Variants in GNAO1 observed in about 807,000 individuals in gnomAD.
GNAO1 encodes the protein guanine nucleotide-binding protein G(o) subunit alpha.
For synonymous variants in GNAO1, 164 were observed against 180.7 expected (o/e 0.91, Z 0.74); for missense variants, 166 against 478.7 (o/e 0.35, Z 6.10).
At chr16:56,279,225 C>T (rs1567466988) in intron 3 of GNAO1, among the ~76,000 whole-genome samples, 1 of 152,196 alleles carries the variant, frequency 6.6e-6, no homozygotes, top group Non-Finnish European at 1.5e-5. Flanking sequence ...GTAGGTGTCC[C>T]TGAGTTCCCC....
In GNAO1 at chr16:56,311,786, C is replaced by T. The variant is rs115126128; in HGVS notation, c.304-16845C>T. 6.5e-3 allele frequency among the ~76,000 whole-genome samples: 989 copies of T among 152,188 alleles called. 13 individuals carry two copies. The highest frequency in any genetic ancestry group is 0.022 in the African/African-American group (896 of 41,502). ...ACCTCCTGCCCCGCCCAGCACGGCC[C>T]GCTGGGACCTCCTTGCCTGGCCCAG... is the stretch of plus-strand genomic sequence containing the variant. On this transcript the variant is annotated intron_variant, in intron 3 of 8. Transcript: ENST00000262493. This position sits in a 1 kb window ranked among gnomAD's most constrained non-coding sequence, Gnocchi z 5.2.
At chr16:56,286,723 G>GTGTGTGTA (rs1695653084) in intron 3 of GNAO1, among the ~76,000 whole-genome samples, 2 of 148,472 alleles carry the variant, frequency 1.3e-5, no homozygotes, top group Admixed American at 1.3e-4. Flanking sequence ...GTGTGTGTGT[G>GTGTGTGTA]TGTGTGTGTA....
intron 3 of GNAO1, chr16:56,307,891 C>A (rs1330871318): frequency 6.6e-6 from 1 of 152,274 alleles, no homozygotes; most frequent in Non-Finnish European, 1.5e-5. Context: ...GACCTTGGTT[C>A]TTCCATGGCT....
intron 6 of GNAO1, among the ~76,000 whole-genome samples, chr16:56,348,667 G>T (rs2037895308): frequency 6.6e-6 from 1 of 152,206 alleles, no homozygotes; most frequent in Non-Finnish European, 1.5e-5. Context: ...TTGTAAGGAT[G>T]AGCTGTGCTC....
intron 3 of GNAO1, among the ~76,000 whole-genome samples, chr16:56,313,579 G>C (rs866612809): frequency 2.6e-5 from 4 of 152,064 alleles, no homozygotes; most frequent in African/African-American, 9.7e-5. Context: ...TTGTTTGGTT[G>C]AAGAAAAATT....
rs77052473 is a variant in GNAO1 at position 56,304,703 on chromosome 16, T to A, written c.304-23928T>A. Among the ~76,000 whole-genome samples, 6 of 152,306 alleles carry A rather than the reference T, an allele frequency of 3.9e-5. No homozygotes were observed. The East Asian group carries it at 1.2e-3, about 29-fold the overall frequency. ...ACTTCTTAGGAGGAATATTAGTGGG[T>A]TTGAAATTTACATAATAAACAAATG... On this transcript the variant is annotated intron_variant, in intron 3 of 8. Coordinates refer to ENST00000262493, the MANE Select transcript of GNAO1 (RefSeq NM_020988.3).
At chr16:56,206,212 C>T (rs1296067887) in intron 2 of GNAO1, among the ~76,000 whole-genome samples, 2 of 151,096 alleles carry the variant, frequency 1.3e-5, no homozygotes, top group Non-Finnish European at 2.9e-5. Flanking sequence ...CACAGCTACT[C>T]GGGAGGCTGA....
rs57968280 is a variant in GNAO1, at chr16:56,286,695, C to CTGTGTGTGTG, written c.303+10651_303+10660dup. Among the ~76,000 whole-genome samples, 321 of 144,996 alleles carry CTGTGTGTGTG rather than the reference C, an allele frequency of 2.2e-3. 3 individuals carry two copies. The highest frequency in any genetic ancestry group is 7.6e-3 in the African/African-American group (301 of 39,398). ...CAGTCTCTTTCTGTCTCTGTCGCCTCTGTGTGTGTGTGTGTGTGTGTGTGT... is the reference window on the plus strand; with the variant it reads ...CAGTCTCTTTCTGTCTCTGTCGCCTCTGTGTGTGTGTGTGTGTGTGTGTGTGTGTGTGTGT... On this transcript the variant is annotated intron_variant, in intron 3 of 8. Coordinates refer to ENST00000262493, the MANE Select transcript of GNAO1 (RefSeq NM_020988.3).
In GNAO1 at chr16:56,333,210, CTTTTTTT is replaced by C. The variant is rs71149663; in HGVS notation, c.465-1511_465-1505del. ...CCAGCCAAGTGCATTTTCTTTTTTT[CTTTTTTT>C]TTTTTTTCTCCCCGAGACAGAGTCT... On this transcript the variant is annotated intron_variant, in intron 4 of 8. Transcript: ENST00000262493. Among the ~76,000 whole-genome samples, 5 of 140,860 alleles carry C rather than the reference CTTTTTTT, an allele frequency of 3.5e-5. No homozygotes were observed. The East Asian group carries it at 6.3e-4, about 18-fold the overall frequency. The allele number at this position is 140,860 out of a possible 152,430, so 92.4% of individuals were successfully genotyped here. A position where few individuals can be genotyped will look rare whatever the true frequency, so the allele number is the denominator to read the frequency against.
rs978881612 is a variant in GNAO1 at position 56,288,029 on chromosome 16, C to T, written c.303+11957C>T. ...CTGCTGAAATGGCTACTGCTCCATT[C>T]CTTTTCATTAGGGCCGCCTATGACT... On this transcript the variant is annotated intron_variant, in intron 3 of 8. Transcript: ENST00000262493. Among the ~76,000 whole-genome samples, 7 of 152,308 alleles carry T rather than the reference C, an allele frequency of 4.6e-5. No individual in the cohort carries two copies. In the East Asian group the frequency reaches 1.2e-3, roughly 25 times the overall value.
chr16:56,194,556 G>C (rs1379452949), intron 2 of GNAO1: 1 of 265,498 alleles, frequency 3.8e-6, no homozygotes, highest in Admixed American at 4.5e-5. Context: ...GGTTCGGTGC[G>C]GTCTGGGCGC....
In GNAO1 at chr16:56,321,609, C is replaced by T. The variant is rs529386094; in HGVS notation, c.304-7022C>T. 2.2e-4 allele frequency among the ~76,000 whole-genome samples: 34 copies of T among 152,284 alleles called. 1 individual carries two copies. The South Asian group carries it at 6.2e-3, about 28-fold the overall frequency. ...TAGAATCAGGGGAGATTTAGCTCAA[C>T]GCAGACCACTCAGACTGGGCTGGAG... On this transcript the variant is annotated intron_variant, in intron 3 of 8. Transcript: ENST00000262493.
intron 7 of GNAO1, chr16:56,352,043 C>T (rs1271347919): frequency 6.4e-5 from 10 of 155,808 alleles, no homozygotes; most frequent in Middle Eastern, 2.9e-3. Flanking sequence ...TCTGTGCAGC[C>T]GCCCAGCCAG....
intron 8 of GNAO1, chr16:56,355,499 T>C (rs2037959837): frequency 6.6e-6 from 1 of 152,468 alleles, no homozygotes; most frequent in African/African-American, 2.4e-5. Context: ...CTCTCTGTGT[T>C]GCGCCCTTAG....
intron 3 of GNAO1, among the ~76,000 whole-genome samples, chr16:56,305,610 C>T (rs1236177538): frequency 6.6e-6 from 1 of 152,088 alleles, no homozygotes; most frequent in African/African-American, 2.4e-5. Context: ...ACGACCTTGA[C>T]CCCACATGGC....
intron 6 of GNAO1, chr16:56,347,069 G>A (rs1320087192): frequency 4.7e-5 from 46 of 985,280 alleles, no homozygotes; most frequent in Non-Finnish European, 5.3e-5. Context: ...CTGACCTGGT[G>A]CACTCTTGGC....
intron 2 of GNAO1, among the ~76,000 whole-genome samples, chr16:56,220,877 A>G (rs2036478524): frequency 6.6e-6 from 1 of 152,048 alleles, no homozygotes; most frequent in African/African-American, 2.4e-5. Context: ...CCACCTGAGT[A>G]CCTGGGATTA....
chr16:56,270,447 T>A (rs1267146990), intron 2 of GNAO1: 5 of 148,392 alleles, frequency 3.4e-5, no homozygotes, highest in Non-Finnish European at 4.4e-5. Flanking sequence ...CACACACACA[T>A]AACACACACA....
At chr16:56,355,498 TTGCGCCCTTAGAGCCTC>T (rs1242132598) in intron 8 of GNAO1, 2 of 152,454 alleles carry the variant, frequency 1.3e-5, no homozygotes, top group African/African-American at 4.8e-5. Context: ...GCTCTCTGTG[TTGCGCCCTTAGAGCCTC>T]TGCGCCCTCA....
Sources: allele counts gnomAD v4.1 joint callset (sites outside exome capture counted in the v4.1 genomes callset), GRCh38; gene constraint gnomAD v4.1.1; non-coding constraint Gnocchi (gnomAD v3.1); transcripts MANE v1.5; gene names NCBI Gene and HGNC (gene_info 2026-07-23, HGNC 2026-07-21).